CHAT: variants seen among roughly 807,000 people sequenced by gnomAD.
CHAT encodes acetyl CoA:choline O-acetyltransferase.
CHAT carries 61 observed loss-of-function variants against 76.9 expected under a neutral mutation model. The ratio of observed to expected loss-of-function variants is 0.79; its 90% CI spans 0.65 to 0.98. The LOEUF is 0.98. Among genes scored for constraint, CHAT ranks in the 50% least tolerant of loss-of-function variants. The pLI, the probability that CHAT is intolerant of heterozygous loss-of-function variation, is 0.00. For missense variants in CHAT, 946 were observed against 986.9 expected, an observed-to-expected ratio of 0.96 and a Z score of 0.56; for synonymous variants, 407 against 397.4, an observed-to-expected ratio of 1.02 and a Z score of -0.29.
At chr10:49,638,600 G>A (rs1839371884) in intron 7 of CHAT, among the ~76,000 whole-genome samples, 1 of 151,914 alleles carries the variant, frequency 6.6e-6, no homozygotes, top group Non-Finnish European at 1.5e-5. Flanking sequence ...TGTTTGTATA[G>A]CTTTTTCTAA....
At chr10:49,630,236 A>G (rs1839069953) in intron 7 of CHAT, among the ~76,000 whole-genome samples, 2 of 152,194 alleles carry the variant, frequency 1.3e-5, no homozygotes, top group African/African-American at 4.8e-5. Flanking sequence ...TAATCTAGAA[A>G]CAGAAGAACA....
chr10:49,650,319 G>T (rs1238415715), intron 10 of CHAT, among the ~76,000 whole-genome samples: 5 of 152,150 alleles, frequency 3.3e-5, no homozygotes, highest in Non-Finnish European at 2.9e-5. Context: ...TATTTGAGTG[G>T]AATAAGTAGA....
intron 7 of CHAT, among the ~76,000 whole-genome samples, chr10:49,645,732 C>T (rs1839638900): frequency 6.6e-6 from 1 of 152,198 alleles, no homozygotes; most frequent in African/African-American, 2.4e-5. Context: ...CTGTACTCTT[C>T]CAGTGCCACC....
rs141111059 is a variant in CHAT, at chr10:49,619,893, C to T, written c.556C>T (p.Arg186Trp). The change falls in exon 3 of 15, where the codon CGG (arginine) becomes TGG (tryptophan). Residue 186 changes from arginine (R) to tryptophan (W), a missense_variant. Physicochemically the swap from Arg to Trp is moderately radical, Grantham distance 101. Transcript: ENST00000337653. ...GACCCTGCAGCAGAAACTCCTGGAG[C>T]GGCAGGAGAAGACAGCCAACTGGGT... is the stretch of plus-strand genomic sequence containing the variant. Reference protein sequence around the residue: ...GETLQQKLLERQEKTANWVSE... With the variant: ...GETLQQKLLEWQEKTANWVSE... 13 of 1,612,276 alleles carry T rather than the reference C, an allele frequency of 8.1e-6. No individual in the cohort carries two copies. Among genetic ancestry groups the T allele is most frequent in the Admixed American group, 1.7e-5 (1 of 59,778 alleles).
chr10:49,614,254 G>A lies in CHAT; in HGVS notation c.65G>A (p.Gly22Glu). 1 of 1,546,638 alleles carries A rather than the reference G, an allele frequency of 6.5e-7. No homozygotes were observed. The highest frequency in any genetic ancestry group is 1.2e-5 in the South Asian group (1 of 83,830). Residue 22 changes from glycine to glutamate, a missense_variant, in exon 1 of 15, where the codon GGA (glycine) becomes GAA (glutamate). This residue lies in a region of CHAT where 548 missense variants were observed against 516.2 expected (regional missense o/e 1.06). Coordinates refer to ENST00000337653, the MANE Select transcript of CHAT (RefSeq NM_020549.5). ...GGGGKWKREE[G>E]GGTRGRREVR... ...GGGGGGAAATGGAAGAGAGAGGAGG[G>A]AGGAGGTACAAGAGGAAGGAGAGAA... is the stretch of plus-strand genomic sequence containing the variant.
chr10:49,644,140 C>T (rs975537492), intron 7 of CHAT, among the ~76,000 whole-genome samples: 25 of 152,236 alleles, frequency 1.6e-4, no homozygotes, highest in African/African-American at 5.8e-4. Flanking sequence ...GCTGGTACTG[C>T]CAGAGGATGA....
intron 8 of CHAT, 48 bp from the exon 9 acceptor site, chr10:49,648,459 G>A (rs751134005): frequency 1.3e-6 from 2 of 1,482,440 alleles, no homozygotes; most frequent in East Asian, 2.3e-5. Flanking sequence ...GGGCTGCCTT[G>A]CAATGCTGAC....
At chr10:49,610,773 G>T (rs751934933), upstream of CHAT, 2 of 1,561,612 alleles carry the variant, frequency 1.3e-6, no homozygotes, top group Non-Finnish European at 8.7e-7. Flanking sequence ...GCCAGGCCCG[G>T]GCGGCGGCCA....
chr10:49,639,565 ACACAT>A (rs1364769733), intron 7 of CHAT, among the ~76,000 whole-genome samples: 32 of 134,312 alleles, frequency 2.4e-4, no homozygotes, highest in African/African-American at 8.3e-4. Flanking sequence ...ACACACACAC[ACACAT>A]ATGGGTGTGT....
upstream of CHAT, chr10:49,611,849 G>C (rs776627836): frequency 6.2e-7 from 1 of 1,605,246 alleles, no homozygotes; most frequent in Admixed American, 1.7e-5. Flanking sequence ...ATCGGCGCCA[G>C]CTCGTGCATC....
At chr10:49,616,124 AAGAG>A (rs1351407780) in intron 1 of CHAT, 4 of 1,590,684 alleles carry the variant, frequency 2.5e-6, no homozygotes, top group Non-Finnish European at 3.5e-6. Context: ...GCTAGTGGGA[AAGAG>A]AGAGTTTGAT....
intron 3 of CHAT, 26 bp downstream of exon 3, chr10:49,619,942 T>C (rs1564472270): frequency 6.3e-7 from 1 of 1,593,540 alleles, no homozygotes; most frequent in Non-Finnish European, 8.5e-7. Flanking sequence ...AAGGAACCCA[T>C]AGAAGAGGGG....
At chr10:49,644,672 T>C (rs901168356) in intron 7 of CHAT, among the ~76,000 whole-genome samples, 45 of 152,240 alleles carry the variant, frequency 3.0e-4, no homozygotes, top group African/African-American at 1.1e-3. Context: ...GAGTAGAAGG[T>C]CTGCTGTGGG....
intron 7 of CHAT, among the ~76,000 whole-genome samples, chr10:49,636,557 C>T (rs1839300148): frequency 6.6e-6 from 1 of 152,102 alleles, no homozygotes; most frequent in African/African-American, 2.4e-5. Context: ...AATGTTCCCT[C>T]CTCTTATATT....
At chr10:49,660,861 G>T (rs566958953) in intron 13 of CHAT, among the ~76,000 whole-genome samples, 1 of 152,252 alleles carries the variant, frequency 6.6e-6, no homozygotes, top group African/African-American at 2.4e-5. Context: ...GGTAAGGAAA[G>T]GGGGAAAGAA....
intron 13 of CHAT, among the ~76,000 whole-genome samples, chr10:49,661,736 C>A (rs1840200409): frequency 6.6e-6 from 1 of 152,040 alleles, no homozygotes. Context: ...TCTCCATCAG[C>A]CCCTAGAATT....
chr10:49,657,154 G>A (rs373376393), intron 13 of CHAT, among the ~76,000 whole-genome samples: 27 of 152,198 alleles, frequency 1.8e-4, no homozygotes, highest in African/African-American at 5.1e-4. Flanking sequence ...TCTGGAGGTC[G>A]GACGTCCAAG....
chr10:49,664,462 C>T (rs925887673), intron 14 of CHAT, among the ~76,000 whole-genome samples: 5 of 152,144 alleles, frequency 3.3e-5, no homozygotes, highest in Non-Finnish European at 7.3e-5. Context: ...TGATTGCCTC[C>T]GTGCCTCAAA....
At chr10:49,661,324 A>C (rs531378358) in intron 13 of CHAT, 1 of 152,336 alleles carries the variant, frequency 6.6e-6, no homozygotes, top group East Asian at 1.9e-4. Flanking sequence ...GACCAACACA[A>C]ATCAGGAATT....
Sources: gnomAD v4.1 joint callset for allele counts (sites outside exome capture counted in the v4.1 genomes callset) on GRCh38, gnomAD v4.1.1 for gene constraint, gnomAD v4.1.1 regional missense constraint, MANE v1.5 for transcripts, NCBI Gene and HGNC (gene_info 2026-07-23, HGNC 2026-07-21) for gene names.